The following CHST11 variants were observed in gnomAD, a reference collection of about 807,000 sequenced individuals.
The protein encoded by CHST11 is C4S-1.
Under a neutral mutation model 30.4 loss-of-function variants are expected in CHST11, and 9 were observed. That is an observed-to-expected ratio of 0.30 (90% CI 0.18 to 0.52). The LOEUF (loss-of-function observed/expected upper bound fraction) is 0.52, where lower values mean the gene tolerates loss of function less well. Among genes scored for constraint, CHST11 ranks in the 20% least tolerant of loss-of-function variants. CHST11 has a pLI of 0.97. For missense variants in CHST11, 348 were observed against 460.6 expected (o/e 0.76, Z 2.24); for synonymous variants, 152 against 187.8 (o/e 0.81, Z 1.56).
At chr12:104,489,135 C>G (rs180951614) in intron 1 of CHST11, among the ~76,000 whole-genome samples, 78 of 151,996 alleles carry the variant, frequency 5.1e-4, no homozygotes, top group Non-Finnish European at 1.9e-4. Flanking sequence ...CTCCCAAGTT[C>G]AAGTGATTTT....
chr12:104,680,913 C>A (rs534968816), intron 2 of CHST11, among the ~76,000 whole-genome samples: 1 of 152,352 alleles, frequency 6.6e-6, no homozygotes, highest in South Asian at 2.1e-4. Context: ...GAATCTCAGT[C>A]TTGCCACTTA....
intron 2 of CHST11, among the ~76,000 whole-genome samples, chr12:104,644,016 A>G (rs148817812): frequency 2.6e-5 from 4 of 152,308 alleles, no homozygotes; most frequent in African/African-American, 9.6e-5. Context: ...TGCCTTTGCT[A>G]TCTGCTAGTG....
At chr12:104,535,023 G>A (rs1224188762) in intron 1 of CHST11, among the ~76,000 whole-genome samples, 2 of 152,162 alleles carry the variant, frequency 1.3e-5, no homozygotes, top group African/African-American at 2.4e-5. Context: ...AAACCCCTGT[G>A]GCAAAGATTC....
chr12:104,696,379 G>A (rs561041870), intron 2 of CHST11, among the ~76,000 whole-genome samples: 1 of 147,670 alleles, frequency 6.8e-6, no homozygotes, highest in South Asian at 2.2e-4. Context: ...GCTCACGCCT[G>A]TAATCGCAGC....
intron 1 of CHST11, among the ~76,000 whole-genome samples, chr12:104,494,521 C>T (rs1432581279): frequency 2.0e-5 from 3 of 152,182 alleles, no homozygotes; most frequent in Non-Finnish European, 2.9e-5. Context: ...AAATAGAATC[C>T]GTTCTAAGTC....
intron 2 of CHST11, among the ~76,000 whole-genome samples, chr12:104,618,321 G>A (rs921538584): frequency 2.0e-5 from 3 of 150,466 alleles, no homozygotes; most frequent in Non-Finnish European, 3.0e-5. Context: ...CTTCCTGGGC[G>A]CAAGTGATCC....
At chr12:104,670,855 C>T (rs2039689395) in intron 2 of CHST11, among the ~76,000 whole-genome samples, 1 of 151,922 alleles carries the variant, frequency 6.6e-6, no homozygotes, top group South Asian at 2.1e-4. Flanking sequence ...ACACATACCC[C>T]CCACACCTAT....
chr12:104,684,892 A>C (rs2039832252), intron 2 of CHST11, among the ~76,000 whole-genome samples: 1 of 152,222 alleles, frequency 6.6e-6, no homozygotes, highest in Non-Finnish European at 1.5e-5. Flanking sequence ...TGCAGCTATA[A>C]GGAATTATTT....
chr12:104,675,484 A>G (rs550268449), intron 2 of CHST11, among the ~76,000 whole-genome samples: 130 of 152,308 alleles, frequency 8.5e-4, no homozygotes, highest in African/African-American at 2.8e-3. Flanking sequence ...AGGGTGTATT[A>G]CTATCTCCTG....
intron 1 of CHST11, among the ~76,000 whole-genome samples, chr12:104,578,742 G>A (rs554239774): frequency 1.3e-5 from 2 of 152,352 alleles, no homozygotes; most frequent in African/African-American, 4.8e-5. Context: ...TTCTTGAGGA[G>A]GCAAAAGCCA....
rs202207706 is a variant in CHST11 at position 104,486,804 on chromosome 12, C to CCTA, written c.118+29278_118+29280dup. Among the ~76,000 whole-genome samples the CCTA allele has an allele frequency of 3.3e-3, 508 of 152,244 alleles. 3 individuals carry two copies. The highest frequency in any genetic ancestry group is 0.017 in the Middle Eastern group (5 of 294). On this transcript the variant is annotated intron_variant, in intron 1 of 2. Coordinates refer to ENST00000303694, the MANE Select transcript of CHST11 (RefSeq NM_018413.6). ...GAAGACCCAAATTCGGGGCTCCTGCCCTACTCCCATTGCAGCTGAACATGA... is the reference window on the plus strand; with the variant it reads ...GAAGACCCAAATTCGGGGCTCCTGCCCTACTACTCCCATTGCAGCTGAACATGA...
intron 1 of CHST11, among the ~76,000 whole-genome samples, chr12:104,475,658 T>TTTTATATATATATATATATATATA (rs770441229): frequency 2.9e-5 from 1 of 34,160 alleles, no homozygotes; most frequent in African/African-American, 6.8e-5. Flanking sequence ...TAAAGCAGCA[T>TTTTATATATATATATATATATATA]TATATATATA....
At chr12:104,650,028 G>A (rs1421233624) in intron 2 of CHST11, among the ~76,000 whole-genome samples, 1 of 152,226 alleles carries the variant, frequency 6.6e-6, no homozygotes, top group Non-Finnish European at 1.5e-5. Context: ...CAGTGCAGAT[G>A]GATGGATGAG....
rs2136047123 is a variant in CHST11 at position 104,601,977 on chromosome 12, T to C, written c.190T>C (p.Tyr64His). Residue 64 changes from tyrosine (Y) to histidine (H), a missense_variant, in exon 2 of 3, where the codon TAC becomes CAC. Transcript: ENST00000303694. ...KGSRSPLQEL[Y>H]NPIQLELSNT... ...GTCCCGAAGCCCCCTGCAGGAACTCTACAACCCAATCCAGGTAAGCTTCAA... is the reference window on the plus strand; with the variant it reads ...GTCCCGAAGCCCCCTGCAGGAACTCCACAACCCAATCCAGGTAAGCTTCAA... 1 of 1,613,810 alleles carries C rather than the reference T, an allele frequency of 6.2e-7. No homozygotes were observed. The highest frequency in any genetic ancestry group is 2.2e-5 in the East Asian group (1 of 44,868).
rs760385003 is a variant in CHST11, at chr12:104,756,950, T to C, written c.206T>C (p.Leu69Pro). The change falls in exon 3 of 3, where the codon CTG becomes CCG. Residue 69 changes from leucine to proline, a missense_variant and splice_region_variant. By Grantham distance (98) the Leu-to-Pro change is moderately conservative (BLOSUM62 -3). Coordinates refer to ENST00000303694, the MANE Select transcript of CHST11 (RefSeq NM_018413.6). ...PLQELYNPIQ[L>P]ELSNTAVLHQ... ...ATTCGTCTTGTGTCTCCTCTGCAGC[T>C]GGAGCTCTCAAACACTGCTGTCCTG... 1.2e-6 allele frequency: 2 copies of C among 1,609,620 alleles called. No homozygotes were observed. Among genetic ancestry groups the C allele is most frequent in the Non-Finnish European group, 1.7e-6 (2 of 1,177,446 alleles).
intron 1 of CHST11, among the ~76,000 whole-genome samples, chr12:104,593,642 G>A (rs1379119437): frequency 6.6e-6 from 1 of 152,162 alleles, no homozygotes; most frequent in Non-Finnish European, 1.5e-5. Flanking sequence ...TCCCAGGAGT[G>A]GGGGAAAGCA....
chr12:104,609,453 C>T (rs1246685495), intron 2 of CHST11, among the ~76,000 whole-genome samples: 10 of 152,232 alleles, frequency 6.6e-5, no homozygotes, highest in African/African-American at 2.2e-4. Context: ...ACCTCTTTCA[C>T]TGTGGCTAGT....
chr12:104,461,658 CCTCT>C (rs1440688252), intron 1 of CHST11, among the ~76,000 whole-genome samples: 3 of 152,130 alleles, frequency 2.0e-5, no homozygotes, highest in Admixed American at 6.5e-5. Flanking sequence ...CTGTCTGCTT[CCTCT>C]CTATTATTTT....
chr12:104,733,440 C>T (rs372962818), intron 2 of CHST11, among the ~76,000 whole-genome samples: 21 of 152,206 alleles, frequency 1.4e-4, no homozygotes, highest in African/African-American at 4.8e-4. Flanking sequence ...CAAGTTCCCC[C>T]GTGTTCAACC....
Sources: gnomAD v4.1 joint callset for allele counts (sites outside exome capture counted in the v4.1 genomes callset) on GRCh38, gnomAD v4.1.1 for gene constraint, MANE v1.5 for transcripts, NCBI Gene and HGNC (gene_info 2026-07-23, HGNC 2026-07-21) for gene names.